Variants in TTLL7 observed in about 807,000 individuals in gnomAD.
TTLL7 encodes tubulin polyglutamylase TTLL7.
In TTLL7, 53 loss-of-function variants were observed where a neutral mutation model predicts 120.2. That is an observed-to-expected ratio of 0.44 (90% CI 0.35 to 0.55). The LOEUF is 0.55. Among genes scored for constraint, TTLL7 ranks in the 20% least tolerant of loss-of-function variants. The probability of loss-of-function intolerance (pLI) is 0.00; values close to 1 mark genes in which losing one functional copy is unlikely to be tolerated. For missense variants in TTLL7, 803 were observed against 1,054.7 expected (o/e 0.76, Z 3.31); for synonymous variants, 353 against 351.7 (o/e 1.00, Z -0.04).
rs142500737 is a variant in TTLL7 at position 83,927,348 on chromosome 1, A to C, written c.1142+1788T>G. On this transcript the variant is annotated intron_variant, in intron 10 of 20. Coordinates refer to ENST00000260505, the MANE Select transcript of TTLL7 (RefSeq NM_024686.6). ...GAGTAAACAAAGTGATAAGCCATAT[A>C]CTATGCAGACAAAAGTTCCTTCTAG... 3.0e-3 allele frequency among the ~76,000 whole-genome samples: 461 copies of C among 152,302 alleles called. 2 individuals carry two copies. The highest frequency in any genetic ancestry group is 0.01 in the African/African-American group (427 of 41,556).
At chr1:83,956,619 G>A (rs1649544279) in intron 1 of TTLL7, among the ~76,000 whole-genome samples, 2 of 152,032 alleles carry the variant, frequency 1.3e-5, no homozygotes, top group South Asian at 2.1e-4. Flanking sequence ...TAGTAGAGAC[G>A]AGGTTTCTCC....
chr1:83,923,010 C>T (rs1658814071), intron 10 of TTLL7, among the ~76,000 whole-genome samples: 2 of 150,646 alleles, frequency 1.3e-5, no homozygotes, highest in African/African-American at 4.9e-5. Flanking sequence ...GAGAGATGAA[C>T]TTGTGATGAC....
intron 18 of TTLL7, chr1:83,900,023 T>C (rs1236020107): frequency 3.7e-6 from 1 of 267,908 alleles, no homozygotes. Flanking sequence ...GAAAGTCAAC[T>C]GAGCATAATA....
Position 83,911,178 on chromosome 1 carries a change from T to C in TTLL7, c.1773A>G (p.Leu591=), listed in dbSNP as rs750953939. 5.0e-6 allele frequency: 8 copies of C among 1,608,838 alleles called. No homozygotes were observed. Among genetic ancestry groups the C allele is most frequent in the Non-Finnish European group, 2.6e-6 (3 of 1,176,162 alleles). ...YNLKPSNHYK[L]IQQPSSIRRS... ...AAATTGACTTACTGGGTTGTTGAAT[T>C]AATTTGTAGTGGTTGGAGGGTTTAA... The change falls in exon 15 of 21, where the codon TTA becomes TTG. Residue 591 remains leucine (L), a synonymous_variant. Transcript: ENST00000260505.
chr1:83,883,187 AC>A, intron 19 of TTLL7, 51 bp from the exon 20 acceptor site: 1 of 1,475,174 alleles, frequency 6.8e-7, no homozygotes, highest in Non-Finnish European at 9.1e-7. Context: ...AAAAATGACA[AC>A]CAGCTATATA....
chr1:83,873,263 A>G (rs1191825489), intron 20 of TTLL7, among the ~76,000 whole-genome samples: 2 of 152,210 alleles, frequency 1.3e-5, no homozygotes, highest in Non-Finnish European at 2.9e-5. Context: ...TTCTTCCCTA[A>G]TGCAAGTGCT....
chr1:83,885,355 T>C (rs995179783), intron 19 of TTLL7, among the ~76,000 whole-genome samples: 25 of 152,114 alleles, frequency 1.6e-4, no homozygotes, highest in African/African-American at 5.5e-4. Flanking sequence ...TCACTCATAT[T>C]ATGGTAATTT....
chr1:83,998,367 T>C (rs569755739), intron 1 of TTLL7, among the ~76,000 whole-genome samples: 1 of 152,144 alleles, frequency 6.6e-6, no homozygotes, highest in African/African-American at 2.4e-5. Context: ...GCAACTTTCA[T>C]AGGGTATCTT....
chr1:83,990,057 G>A (rs1371320371), intron 1 of TTLL7, among the ~76,000 whole-genome samples: 2 of 151,528 alleles, frequency 1.3e-5, no homozygotes, highest in African/African-American at 4.8e-5. Flanking sequence ...TCCTGAAACT[G>A]TATAACAGCT....
At position 83,890,371 on chromosome 1, in the gene TTLL7, G is replaced by A. The variant is rs368960774; in HGVS notation, c.2319C>T (p.Arg773=). 4.3e-6 allele frequency: 7 copies of A among 1,613,240 alleles called. No homozygotes were observed. The African/African-American group carries it at 9.4e-5, about 22-fold the overall frequency. Residue 773 remains arginine (R), a synonymous_variant, in exon 19 of 21, where the codon CGC becomes CGT. Coordinates refer to ENST00000260505, the MANE Select transcript of TTLL7 (RefSeq NM_024686.6). ...LYRIFNRVFN[R]LLWSRGQGLW... ...GCCCTTGGCCACGACTCCAGAGTAA[G>A]CGATTAAAAACCCGGTTGAAAATCC...
chr1:83,897,434 G>T (rs571184245), intron 18 of TTLL7, among the ~76,000 whole-genome samples: 11 of 152,106 alleles, frequency 7.2e-5, no homozygotes, highest in African/African-American at 2.2e-4. Context: ...TATAAAATTG[G>T]CAATCAATAA....
chr1:83,993,039 T>C (rs1653152050), intron 1 of TTLL7, among the ~76,000 whole-genome samples: 1 of 152,090 alleles, frequency 6.6e-6, no homozygotes, highest in Non-Finnish European at 1.5e-5. Flanking sequence ...ACATGAAAAT[T>C]TTCCCATCAA....
intron 1 of TTLL7, among the ~76,000 whole-genome samples, chr1:83,970,552 G>A (rs546561551): frequency 5.1e-4 from 78 of 152,184 alleles, no homozygotes; most frequent in African/African-American, 1.6e-3. Flanking sequence ...ATTTGGACAC[G>A]TCAGGTTTGA....
intron 1 of TTLL7, among the ~76,000 whole-genome samples, chr1:83,991,486 A>C (rs965576807): frequency 6.6e-6 from 1 of 152,024 alleles, no homozygotes; most frequent in Non-Finnish European, 1.5e-5. Context: ...TCTTTACGAA[A>C]AATATAAAAA....
At position 83,894,116 on chromosome 1, in the gene TTLL7, C is replaced by T. The variant is rs969731407; in HGVS notation, c.2209-3635G>A. 5.9e-5 allele frequency among the ~76,000 whole-genome samples: 9 copies of T among 152,032 alleles called. No homozygotes were observed. In the East Asian group the frequency reaches 1.2e-3, roughly 20 times the overall value. ...GACTAATGTGATATAAGAATCAACA[C>T]TAACTGTAAATGATAAATTTAAATC... On this transcript the variant is annotated intron_variant, in intron 18 of 20. Transcript: ENST00000260505.
intron 19 of TTLL7, chr1:83,887,120 A>T: frequency 1.7e-6 from 1 of 588,022 alleles, no homozygotes; most frequent in Non-Finnish European, 2.2e-6. Flanking sequence ...GAAACCTACC[A>T]CAAAGATCTA....
rs530812942 is a variant in TTLL7 at position 83,952,249 on chromosome 1, G to A, written c.-38C>T. 8 of 1,611,870 alleles carry A rather than the reference G, an allele frequency of 5.0e-6. No homozygotes were observed. Among genetic ancestry groups the A allele is most frequent in the Middle Eastern group, 1.7e-4 (1 of 6,056 alleles). ...TGATTAGCAAGCAGTGTGTGCTGCTGTACCAAGCTCTCAGGAAATCTGGAA... is the reference window on the plus strand; with the variant it reads ...TGATTAGCAAGCAGTGTGTGCTGCTATACCAAGCTCTCAGGAAATCTGGAA... On this transcript the variant is annotated 5_prime_UTR_variant, in exon 2 of 21. Coordinates refer to ENST00000260505, the MANE Select transcript of TTLL7 (RefSeq NM_024686.6).
chr1:83,910,387 T>C (rs1178591636), intron 15 of TTLL7, among the ~76,000 whole-genome samples: 1 of 152,128 alleles, frequency 6.6e-6, no homozygotes, highest in East Asian at 1.9e-4. Context: ...AGAAAAGTCC[T>C]GGACTGGAGG....
chr1:83,949,732 A>C (rs1162374423), intron 4 of TTLL7, 133 bp downstream of exon 4: 25 of 961,740 alleles, frequency 2.6e-5, no homozygotes, highest in Non-Finnish European at 3.3e-5. Flanking sequence ...ACTGGATAGC[A>C]ACAAAACAGG....
Sources: gnomAD v4.1 joint callset for allele counts (sites outside exome capture counted in the v4.1 genomes callset) on GRCh38, gnomAD v4.1.1 for gene constraint, MANE v1.5 for transcripts, NCBI Gene and HGNC (gene_info 2026-07-23, HGNC 2026-07-21) for gene names.